Variants in SNTG1 observed in about 807,000 individuals in gnomAD.
SNTG1 encodes gamma-1-syntrophin.
In SNTG1, 39 loss-of-function variants were observed where a neutral mutation model predicts 74.7. That is an observed-to-expected ratio of 0.52 (90% confidence interval 0.40 to 0.68). The LOEUF is 0.68. Among genes scored for constraint, SNTG1 ranks in the 30% least tolerant of loss-of-function variants. SNTG1 has a pLI of 0.00. For synonymous variants in SNTG1, 254 were observed against 217.1 expected, an observed-to-expected ratio of 1.17 and a Z score of -1.49; for missense variants, 685 against 609.5, an observed-to-expected ratio of 1.12 and a Z score of -1.30.
At chr8:50,516,074 C>A (rs574180427) in intron 9 of SNTG1, among the ~76,000 whole-genome samples, 3 of 152,244 alleles carry the variant, frequency 2.0e-5, no homozygotes, top group Non-Finnish European at 4.4e-5. Context: ...AGGTACACCT[C>A]TGGGAAGAAG....
intron 2 of SNTG1, among the ~76,000 whole-genome samples, chr8:50,308,549 T>C (rs1479249246): frequency 3.9e-5 from 6 of 152,166 alleles, no homozygotes; most frequent in Non-Finnish European, 8.8e-5. Context: ...TTAAGAATGT[T>C]AAAAAATCTA....
chr8:50,344,488 A>T (rs1362139548), intron 2 of SNTG1, among the ~76,000 whole-genome samples: 1 of 152,140 alleles, frequency 6.6e-6, no homozygotes, highest in African/African-American at 2.4e-5. Context: ...AATAGAAATA[A>T]ACTCCATGTC....
chr8:49,985,719 G>C (rs908388473), intron 1 of SNTG1, among the ~76,000 whole-genome samples: 1 of 152,060 alleles, frequency 6.6e-6, no homozygotes, highest in Non-Finnish European at 1.5e-5. Context: ...TCAGCAGAAG[G>C]GATGGTTTTC....
intron 2 of SNTG1, among the ~76,000 whole-genome samples, chr8:50,270,958 A>G (rs1208658409): frequency 6.6e-6 from 1 of 152,142 alleles, no homozygotes. Context: ...AAGTTACTCT[A>G]AATATGTGCT....
intron 15 of SNTG1, among the ~76,000 whole-genome samples, chr8:50,688,719 A>G: frequency 6.6e-6 from 1 of 152,192 alleles, no homozygotes; most frequent in Non-Finnish European, 1.5e-5. Flanking sequence ...CTTTTGGCTT[A>G]GGATTGACTT....
At chr8:50,653,085 A>G (rs1170939755) in intron 13 of SNTG1, among the ~76,000 whole-genome samples, 1 of 151,882 alleles carries the variant, frequency 6.6e-6, no homozygotes, top group African/African-American at 2.4e-5. Context: ...GACAGAATAT[A>G]GGGTTTTTCT....
chr8:49,994,496 C>T (rs1434682421), intron 1 of SNTG1, among the ~76,000 whole-genome samples: 3 of 151,422 alleles, frequency 2.0e-5, no homozygotes, highest in Non-Finnish European at 4.4e-5. Flanking sequence ...AACTCTTGAC[C>T]TCAGGTGATC....
chr8:50,564,016 G>A (rs2094502163), intron 12 of SNTG1, among the ~76,000 whole-genome samples: 1 of 152,034 alleles, frequency 6.6e-6, no homozygotes, highest in Admixed American at 6.6e-5. Context: ...GTTCTGATTT[G>A]AGAAAGACAC....
chr8:50,543,856 G>C (rs1460536004), intron 11 of SNTG1, among the ~76,000 whole-genome samples: 4 of 151,980 alleles, frequency 2.6e-5, no homozygotes, highest in Non-Finnish European at 1.5e-5. Context: ...ATTTAGTTTT[G>C]TTGCTTTATT....
intron 1 of SNTG1, among the ~76,000 whole-genome samples, chr8:50,051,851 G>A (rs1390038586): frequency 1.3e-5 from 2 of 151,994 alleles, no homozygotes; most frequent in African/African-American, 4.8e-5. Context: ...TTTTTTGGGG[G>A]CAGACATAAT....
chr8:50,393,840 T>C (rs2092693450), intron 2 of SNTG1, among the ~76,000 whole-genome samples: 1 of 152,174 alleles, frequency 6.6e-6, no homozygotes, highest in Non-Finnish European at 1.5e-5. Context: ...TTTTAATTGC[T>C]CTTTTTGAAG....
At chr8:50,603,386 TTATTTGA>T (rs1240464735) in intron 13 of SNTG1, among the ~76,000 whole-genome samples, 1 of 152,236 alleles carries the variant, frequency 6.6e-6, no homozygotes, top group Non-Finnish European at 1.5e-5. Context: ...TTTGTGAAAT[TTATTTGA>T]TAGAATTCTA....
At chr8:50,112,707 G>C (rs7004489) in intron 1 of SNTG1, among the ~76,000 whole-genome samples, 9 of 151,752 alleles carry the variant, frequency 5.9e-5, no homozygotes, top group African/African-American at 2.2e-4. Context: ...ATTTTTAGTA[G>C]AGATGGGGTT....
chr8:50,786,414 A>G (rs1006815330), intron 18 of SNTG1, among the ~76,000 whole-genome samples: 1 of 152,024 alleles, frequency 6.6e-6, no homozygotes, highest in Non-Finnish European at 1.5e-5. Context: ...AGAAAACTTA[A>G]TACTTTTAAT....
chr8:50,286,624 G>A lies in SNTG1; in HGVS notation c.-27-107588G>A, dbSNP rs150970382. On this transcript the variant is annotated intron_variant, in intron 2 of 18. Coordinates refer to ENST00000642720, the MANE Select transcript of SNTG1 (RefSeq NM_018967.5). ...AAGACCTAAGCTGAGCCGGGTTGTCGGCTTCAACCCAACATTATTGTCGTT... is the reference window on the plus strand; with the variant it reads ...AAGACCTAAGCTGAGCCGGGTTGTCAGCTTCAACCCAACATTATTGTCGTT... 13 of 152,210 alleles carry A rather than the reference G, an allele frequency of 8.5e-5. No homozygotes were observed. The East Asian group carries it at 1.4e-3, about 16-fold the overall frequency. 9.4% of individuals were successfully genotyped at this position (152,210 alleles called of 1,614,324 possible). A position where few individuals can be genotyped will look rare whatever the true frequency, so the allele number is the denominator to read the frequency against.
intron 2 of SNTG1, among the ~76,000 whole-genome samples, chr8:50,380,557 T>C (rs1318159274): frequency 1.3e-5 from 2 of 152,238 alleles, no homozygotes; most frequent in East Asian, 3.8e-4. Flanking sequence ...ATCAAAATCA[T>C]TTAAATCCAA....
At chr8:50,430,332 T>C (rs1283695052) in intron 4 of SNTG1, among the ~76,000 whole-genome samples, 1 of 152,156 alleles carries the variant, frequency 6.6e-6, no homozygotes, top group Non-Finnish European at 1.5e-5. Flanking sequence ...TCAGTATCAA[T>C]ATTAAGCTAA....
chr8:50,075,600 C>A (rs1351742854), intron 1 of SNTG1, among the ~76,000 whole-genome samples: 1 of 152,176 alleles, frequency 6.6e-6, no homozygotes, highest in Admixed American at 6.5e-5. Context: ...CTGCCAGAGC[C>A]AGCAGTGGCA....
At chr8:50,114,908 G>T (rs1159000320) in intron 1 of SNTG1, among the ~76,000 whole-genome samples, 1 of 152,172 alleles carries the variant, frequency 6.6e-6, no homozygotes. Context: ...GGGATATAAT[G>T]TACAGCAGGA....
Sources: allele counts gnomAD v4.1 joint callset (sites outside exome capture counted in the v4.1 genomes callset), GRCh38; gene constraint gnomAD v4.1.1; transcripts MANE v1.5; gene names NCBI Gene and HGNC (gene_info 2026-07-23, HGNC 2026-07-21).